Variants in ZNF490 observed in about 807,000 individuals in gnomAD.
The protein encoded by ZNF490 is zinc finger protein 490.
Under a neutral mutation model 17.7 loss-of-function variants are expected in ZNF490, and 11 were observed. The ratio of observed to expected loss-of-function variants is 0.62; its 90% CI spans 0.39 to 1.03. ZNF490 has a LOEUF of 1.03. Among genes scored for constraint, ZNF490 ranks in the 50% least tolerant of loss-of-function variants. The probability of loss-of-function intolerance (pLI) is 0.00; values close to 1 mark genes in which losing one functional copy is unlikely to be tolerated. For synonymous variants in ZNF490, 222 were observed against 216.1 expected (o/e 1.03, Z -0.24); for missense variants, 542 against 643.4 (o/e 0.84, Z 1.71).
chr19:12,597,097 TTCCGACAAG>T, intron 2 of ZNF490: 1 of 459,290 alleles, frequency 2.2e-6, no homozygotes, highest in Non-Finnish European at 4.4e-6. Context: ...CCATAGCCGG[TTCCGACAAG>T]TCCCCTCCTC....
intron 2 of ZNF490, among the ~76,000 whole-genome samples, chr19:12,583,782 T>C: frequency 9.1e-6 from 1 of 109,818 alleles, no homozygotes; most frequent in African/African-American, 3.8e-5. Flanking sequence ...TCTCTCTCTC[T>C]CTCTCTCTCT....
At chr19:12,585,645 T>G (rs1450086239) in intron 2 of ZNF490, among the ~76,000 whole-genome samples, 1 of 92,156 alleles carries the variant, frequency 1.1e-5, no homozygotes, top group African/African-American at 3.2e-5. Flanking sequence ...ATTCATAGGA[T>G]TATATCATGT....
chr19:12,590,212 G>A (rs1201280103), intron 2 of ZNF490, among the ~76,000 whole-genome samples: 2 of 146,504 alleles, frequency 1.4e-5, no homozygotes, highest in Non-Finnish European at 3.0e-5. Flanking sequence ...ACCATGCCTG[G>A]CCTTTTTTTT....
At chr19:12,607,524 C>A (rs1016550594) in intron 2 of ZNF490, among the ~76,000 whole-genome samples, 1 of 151,622 alleles carries the variant, frequency 6.6e-6, no homozygotes, top group Non-Finnish European at 1.5e-5. Context: ...AATAGTAATA[C>A]AATATAATAA....
At position 12,584,674 on chromosome 19, in the gene ZNF490, A is replaced by G. The variant is rs2022794097; in HGVS notation, c.163-1118T>C. 3.2e-5 allele frequency among the ~76,000 whole-genome samples: 3 copies of G among 94,034 alleles called. 1 individual carries two copies. Among genetic ancestry groups the G allele is most frequent in the Non-Finnish European group, 8.6e-5 (3 of 34,972 alleles). The allele number at this position is 94,034 out of a possible 152,430, so 61.7% of individuals were successfully genotyped here. A position where few individuals can be genotyped will look rare whatever the true frequency, so the allele number is the denominator to read the frequency against. On this transcript the variant is annotated intron_variant, in intron 2 of 4. Transcript: ENST00000311437. ...ATACACCCTTTAGACTATAAGCTGCACATCTCCCATTGAGGATGAAAAACT... is the reference window on the plus strand; with the variant it reads ...ATACACCCTTTAGACTATAAGCTGCGCATCTCCCATTGAGGATGAAAAACT...
At chr19:12,597,898 C>G (rs1375391421) in intron 2 of ZNF490, among the ~76,000 whole-genome samples, 1 of 152,074 alleles carries the variant, frequency 6.6e-6, no homozygotes, top group Non-Finnish European at 1.5e-5. Context: ...CTGTAAGAAC[C>G]CGCCTCTACA....
chr19:12,592,161 T>C (rs190806094), intron 2 of ZNF490, among the ~76,000 whole-genome samples: 118 of 152,126 alleles, frequency 7.8e-4, no homozygotes, highest in Non-Finnish European at 3.4e-4. Flanking sequence ...CATGGTGAAA[T>C]CCTGTCTCTA....
intron 2 of ZNF490, among the ~76,000 whole-genome samples, chr19:12,584,435 C>A (rs1266817259): frequency 1.1e-5 from 1 of 94,550 alleles, no homozygotes. Context: ...GGATTACAGG[C>A]GTGAGCCACC....
intron 1 of ZNF490, 112 bp downstream of exon 1, chr19:12,610,452 G>T: frequency 1.1e-6 from 1 of 919,074 alleles, no homozygotes; most frequent in South Asian, 1.4e-5. Context: ...TATGGTCAAA[G>T]ATTAAAATGC....
rs559788529 is a variant in ZNF490, at chr19:12,580,935, G to A, written c.1140C>T (p.His380=). 1.7e-5 allele frequency: 28 copies of A among 1,614,014 alleles called. No individual in the cohort carries two copies. Among genetic ancestry groups the A allele is most frequent in the Admixed American group, 5.0e-5 (3 of 59,980 alleles). The change falls in exon 5 of 5, where the codon CAC becomes CAT. Residue 380 remains histidine (H), a synonymous_variant. Coordinates refer to ENST00000311437, the MANE Select transcript of ZNF490 (RefSeq NM_020714.3). ...AFKSSSSCEV[H]ERTHFGEKPY... ...GTTTTTCTCCAAAATGAGTTCTTTC[G>A]TGCACTTCACAGGAACTAGATGACT...
rs569241140 is a variant in ZNF490 at position 12,581,224 on chromosome 19, C to T, written c.851G>A (p.Gly284Glu). Residue 284 changes from glycine (G) to glutamate (E), a missense_variant, in exon 5 of 5, where the codon GGA becomes GAA. Physicochemically the swap from Gly to Glu is moderately conservative, Grantham distance 98. Transcript: ENST00000311437. ...GEKPYKCKQC[G>E]KAFIYYQPFL... ...AGGCTGGTAATATATAAAGGCTTTTCCACACTGTTTACATTTGTAGGGTTT... is the reference window on the plus strand; with the variant it reads ...AGGCTGGTAATATATAAAGGCTTTTTCACACTGTTTACATTTGTAGGGTTT... The T allele has an allele frequency of 5.0e-6, 8 of 1,610,876 alleles. No individual in the cohort carries two copies. The highest frequency in any genetic ancestry group is 6.8e-6 in the Non-Finnish European group (8 of 1,177,268).
chr19:12,601,919 G>A (rs2023009852), intron 2 of ZNF490, among the ~76,000 whole-genome samples: 2 of 151,450 alleles, frequency 1.3e-5, no homozygotes, highest in South Asian at 4.2e-4. Context: ...GCGTGAACCC[G>A]GGAGGCGGAG....
intron 2 of ZNF490, among the ~76,000 whole-genome samples, chr19:12,605,536 C>A (rs561102255): frequency 6.6e-6 from 1 of 152,004 alleles, no homozygotes; most frequent in Non-Finnish European, 1.5e-5. Context: ...TAAAGTGTTT[C>A]TGTGAGTTCT....
chr19:12,605,943 T>C (rs576780994), intron 2 of ZNF490, among the ~76,000 whole-genome samples: 110 of 152,032 alleles, frequency 7.2e-4, no homozygotes, highest in Middle Eastern at 3.4e-3. Context: ...TGGCGTGCAA[T>C]GATCTTGGCT....
At chr19:12,583,664 A>T in intron 2 of ZNF490, 108 bp from the exon 3 acceptor site, 1 of 1,207,796 alleles carries the variant, frequency 8.3e-7, no homozygotes. Flanking sequence ...GTCTCGGTTT[A>T]GTGGTATAAC....
chr19:12,608,781 T>C (rs2023103977), intron 2 of ZNF490, among the ~76,000 whole-genome samples: 1 of 152,136 alleles, frequency 6.6e-6, no homozygotes, highest in Non-Finnish European at 1.5e-5. Flanking sequence ...AGCCATTTTT[T>C]TTATTTTTTG....
intron 2 of ZNF490, among the ~76,000 whole-genome samples, chr19:12,594,566 G>A (rs2022911213): frequency 6.6e-6 from 1 of 152,116 alleles, no homozygotes; most frequent in Non-Finnish European, 1.5e-5. Flanking sequence ...AGTGTCTAGA[G>A]CCTCTGTGGT....
At position 12,580,279 on chromosome 19, in the gene ZNF490, A is replaced by G; in HGVS notation, c.*206T>C. On this transcript the variant is annotated 3_prime_UTR_variant, in exon 5 of 5. Coordinates refer to ENST00000311437, the MANE Select transcript of ZNF490 (RefSeq NM_020714.3). ...TTTTCTGTCCATGGAGTCCATTCAC[A>G]TATCTGCAATCCCGCAGGAGAGTGC... 3 of 1,351,694 alleles carry G rather than the reference A, an allele frequency of 2.2e-6. No homozygotes were observed. Among genetic ancestry groups the G allele is most frequent in the South Asian group, 2.2e-5 (1 of 46,036 alleles). 83.7% of individuals were successfully genotyped at this position (1,351,694 alleles called of 1,614,324 possible).
intron 2 of ZNF490, chr19:12,597,053 T>A: frequency 2.2e-6 from 1 of 453,394 alleles, no homozygotes. Flanking sequence ...TGGGAGACCC[T>A]CGGGTCAGCT....
Sources: allele counts gnomAD v4.1 joint callset (sites outside exome capture counted in the v4.1 genomes callset), GRCh38; gene constraint gnomAD v4.1.1; transcripts MANE v1.5; gene names NCBI Gene and HGNC (gene_info 2026-07-23, HGNC 2026-07-21).